Variants in DENND1A observed in about 807,000 individuals in gnomAD.
DENND1A encodes the protein DENN domain-containing protein 1A.
A neutral mutation model predicts 113.7 loss-of-function variants in DENND1A; 51 were observed. The observed-to-expected ratio is 0.45, with a 90% CI of 0.36 to 0.57. The LOEUF (loss-of-function observed/expected upper bound fraction) is 0.57. DENND1A is among the 20% of genes least tolerant of loss of function. The pLI is 0.00. For missense variants in DENND1A, 1,258 were observed against 1,395.9 expected, an observed-to-expected ratio of 0.90 and a Z score of 1.57; for synonymous variants, 565 against 570.8, an observed-to-expected ratio of 0.99 and a Z score of 0.14.
At chr9:123,889,607 C>T (rs1171336923) in intron 1 of DENND1A, among the ~76,000 whole-genome samples, 1 of 152,088 alleles carries the variant, frequency 6.6e-6, no homozygotes, top group Non-Finnish European at 1.5e-5. Context: ...AAGAAATTCT[C>T]ATTTTACCAA....
At chr9:123,509,649 G>A (rs1005176341) in intron 13 of DENND1A, among the ~76,000 whole-genome samples, 1 of 152,202 alleles carries the variant, frequency 6.6e-6, no homozygotes, top group Non-Finnish European at 1.5e-5. Context: ...TTATAGAAGA[G>A]CCTGAACATG....
intron 2 of DENND1A, among the ~76,000 whole-genome samples, chr9:123,838,977 C>A (rs7863739): frequency 9.2e-5 from 14 of 152,112 alleles, no homozygotes; most frequent in Non-Finnish European, 1.8e-4. Context: ...TGGGCAAGAG[C>A]CATATCTTTT....
intron 13 of DENND1A, among the ~76,000 whole-genome samples, chr9:123,484,453 T>C (rs532013970): frequency 1.4e-3 from 212 of 152,306 alleles, no homozygotes; most frequent in African/African-American, 4.5e-3. Context: ...GCCTTTAGCA[T>C]GGCTGTCCCT....
intron 5 of DENND1A, among the ~76,000 whole-genome samples, chr9:123,740,927 A>AGAGAGAGAGAGAGAGAGAGAGAGG (rs1205845271): frequency 2.0e-5 from 3 of 147,988 alleles, no homozygotes; most frequent in Non-Finnish European, 4.4e-5. Context: ...AGAGAGAGAG[A>AGAGAGAGAGAGAGAGAGAGAGAGG]GAGAGAGAGA....
chr9:123,610,384 G>A (rs1269412589), intron 10 of DENND1A, among the ~76,000 whole-genome samples: 1 of 152,154 alleles, frequency 6.6e-6, no homozygotes. Context: ...AAGGGACTAG[G>A]CCTAAAGAGG....
At chr9:123,542,447 G>C (rs903779013) in intron 13 of DENND1A, among the ~76,000 whole-genome samples, 2 of 152,168 alleles carry the variant, frequency 1.3e-5, no homozygotes, top group Non-Finnish European at 2.9e-5. Flanking sequence ...GAAGGGATGA[G>C]GGGGAGCGAT....
intron 22 of DENND1A, among the ~76,000 whole-genome samples, chr9:123,386,381 C>CTTTTTTTTTTTTT (rs34797849): frequency 7.4e-6 from 1 of 135,182 alleles, no homozygotes. Context: ...TCTTTTCTTT[C>CTTTTTTTTTTTTT]TTTTTTTTTT....
At chr9:123,927,142 C>T (rs894575475) in intron 1 of DENND1A, among the ~76,000 whole-genome samples, 2 of 152,198 alleles carry the variant, frequency 1.3e-5, no homozygotes, top group South Asian at 2.1e-4. Context: ...AGGATTTCCA[C>T]GGTACCTGAC....
intron 2 of DENND1A, among the ~76,000 whole-genome samples, chr9:123,867,988 G>C (rs1846022339): frequency 6.6e-6 from 1 of 152,194 alleles, no homozygotes; most frequent in South Asian, 2.1e-4. Flanking sequence ...AGAGAATCAA[G>C]AGATAGGGAA....
At chr9:123,509,443 G>C (rs1319539954) in intron 13 of DENND1A, among the ~76,000 whole-genome samples, 1 of 152,214 alleles carries the variant, frequency 6.6e-6, no homozygotes, top group Admixed American at 6.5e-5. Context: ...AAGGGCTGCT[G>C]GGAGCATTAG....
intron 2 of DENND1A, among the ~76,000 whole-genome samples, chr9:123,824,793 T>C (rs181568738): frequency 1.3e-5 from 2 of 152,206 alleles, no homozygotes; most frequent in Admixed American, 1.3e-4. Context: ...ATAAAACCTA[T>C]CTCCTTACTA....
In DENND1A at chr9:123,429,816, C is replaced by T. The variant is rs2046003389; in HGVS notation, c.1488+10544G>A. 2.0e-5 allele frequency among the ~76,000 whole-genome samples: 3 copies of T among 152,040 alleles called. No homozygotes were observed. The South Asian group carries it at 6.2e-4, about 32-fold the overall frequency. On this transcript the variant is annotated intron_variant, in intron 19 of 23. Coordinates refer to ENST00000394215, the MANE Select transcript of DENND1A (RefSeq NM_001352964.2). ...AATTTCATGACGAAAATGCCAAAAG[C>T]AATGTGCAACAAAAGCAAAAATTGA...
At chr9:123,485,082 C>T (rs761465992) in intron 13 of DENND1A, among the ~76,000 whole-genome samples, 14 of 152,224 alleles carry the variant, frequency 9.2e-5, no homozygotes, top group Non-Finnish European at 1.6e-4. Flanking sequence ...TGCACTCCCT[C>T]AGGGCAGGAG....
chr9:123,452,484 T>C, intron 16 of DENND1A, 137 bp from the exon 17 acceptor site: 1 of 710,548 alleles, frequency 1.4e-6, no homozygotes, highest in Admixed American at 2.2e-5. Context: ...GCCTGGATGA[T>C]AACTGGTCCC....
intron 2 of DENND1A, among the ~76,000 whole-genome samples, chr9:123,854,625 G>C (rs570735193): frequency 1.1e-4 from 17 of 151,820 alleles, no homozygotes; most frequent in African/African-American, 3.6e-4. Context: ...AACCCAGGAC[G>C]CAGAGGGTGC....
intron 13 of DENND1A, among the ~76,000 whole-genome samples, chr9:123,516,135 CACACACACACACACACACACA>C (rs1357413761): frequency 6.8e-6 from 1 of 146,914 alleles, no homozygotes. Context: ...CACACACACA[CACACACACACACACACACACA>C]AAGGTTGGGG....
At chr9:123,384,819 G>A (rs2042472414) in intron 22 of DENND1A, among the ~76,000 whole-genome samples, 1 of 152,056 alleles carries the variant, frequency 6.6e-6, no homozygotes, top group South Asian at 2.1e-4. Context: ...GTGGTGGTGC[G>A]TGCCTGTAGT....
intron 4 of DENND1A, among the ~76,000 whole-genome samples, chr9:123,766,381 C>G (rs914386627): frequency 6.6e-6 from 1 of 152,128 alleles, no homozygotes; most frequent in African/African-American, 2.4e-5. Flanking sequence ...CCGTTATCCC[C>G]CATATTACCC....
intron 11 of DENND1A, among the ~76,000 whole-genome samples, chr9:123,598,175 G>A (rs577452990): frequency 2.0e-5 from 3 of 152,228 alleles, no homozygotes; most frequent in Admixed American, 6.5e-5. Context: ...CAATAAGCCT[G>A]ACCCTACACA....
Sources: allele counts gnomAD v4.1 joint callset (sites outside exome capture counted in the v4.1 genomes callset), GRCh38; gene constraint gnomAD v4.1.1; transcripts MANE v1.5; gene names NCBI Gene and HGNC (gene_info 2026-07-23, HGNC 2026-07-21).